The following GRIN2A variants were observed in gnomAD, a reference collection of about 807,000 sequenced individuals.
The protein encoded by GRIN2A is glutamate receptor ionotropic, NMDA 2A.
A neutral mutation model predicts 113.4 loss-of-function variants in GRIN2A; 22 were observed. The ratio of observed to expected loss-of-function variants is 0.19; its 90% CI spans 0.14 to 0.28. GRIN2A has a LOEUF of 0.28. GRIN2A is among the 10% of genes least tolerant of loss of function. GRIN2A has a pLI of 1.00. For synonymous variants in GRIN2A, 827 were observed against 738.4 expected (o/e 1.12, Z -1.94); for missense variants, 1,502 against 1,887.0 (o/e 0.80, Z 3.78).
intron 10 of GRIN2A, among the ~76,000 whole-genome samples, chr16:9,803,162 T>C (rs2041898611): frequency 6.6e-6 from 1 of 152,118 alleles, no homozygotes; most frequent in African/African-American, 2.4e-5. Context: ...CCCAGCACTT[T>C]GGGAGGCCGA....
chr16:10,167,822 G>C (rs758937891), intron 2 of GRIN2A, among the ~76,000 whole-genome samples: 9 of 152,160 alleles, frequency 5.9e-5, no homozygotes, highest in Non-Finnish European at 1.3e-4. Flanking sequence ...GCAATTTCAG[G>C]TTCGTTTTTC....
At chr16:9,807,099 A>G (rs1364354186) in intron 10 of GRIN2A, among the ~76,000 whole-genome samples, 1 of 151,020 alleles carries the variant, frequency 6.6e-6, no homozygotes, top group Non-Finnish European at 1.5e-5. Context: ...CTCCCCAGCC[A>G]CATGGAACTT....
intron 4 of GRIN2A, among the ~76,000 whole-genome samples, chr16:9,889,231 G>A (rs761515773): frequency 2.0e-5 from 3 of 152,044 alleles, no homozygotes; most frequent in East Asian, 1.9e-4. Context: ...TATCTATATC[G>A]TTGAATTTGT....
Position 10,001,908 on chromosome 16 carries a change from T to C in GRIN2A, c.415-63357A>G, listed in dbSNP as rs555282619. On this transcript the variant is annotated intron_variant, in intron 2 of 12. Transcript: ENST00000330684. ...ACTTCTCTTAGTTTCAGTTTACTCA[T>C]TGATAAACCAGGATAACACCTACCT... 1.6e-4 allele frequency among the ~76,000 whole-genome samples: 24 copies of C among 152,350 alleles called. No homozygotes were observed. In the South Asian group the frequency reaches 3.3e-3, roughly 21 times the overall value.
intron 2 of GRIN2A, among the ~76,000 whole-genome samples, chr16:10,045,293 T>G (rs1490343822): frequency 1.3e-5 from 2 of 152,214 alleles, no homozygotes; most frequent in African/African-American, 2.4e-5. Flanking sequence ...CAGGAAAGTA[T>G]TATTTTCTTT....
chr16:9,816,217 A>T (rs1299722113), intron 10 of GRIN2A, among the ~76,000 whole-genome samples: 4 of 152,202 alleles, frequency 2.6e-5, no homozygotes, highest in African/African-American at 9.7e-5. Flanking sequence ...GAATGCATTT[A>T]ATACCACTGA....
At chr16:10,079,359 C>G (rs2047936880) in intron 2 of GRIN2A, among the ~76,000 whole-genome samples, 1 of 152,120 alleles carries the variant, frequency 6.6e-6, no homozygotes, top group Non-Finnish European at 1.5e-5. Flanking sequence ...AAGGGGAGAC[C>G]TGAAGAATGA....
intron 2 of GRIN2A, among the ~76,000 whole-genome samples, chr16:10,138,355 G>A (rs68013133): frequency 0.17 from 25,161 of 152,146 alleles, 2,563 homozygotes; most frequent in East Asian, 0.45. Context: ...TTGACTCACC[G>A]CTTGGCATGG....
chr16:9,973,422 C>G (rs2045713248), intron 2 of GRIN2A, among the ~76,000 whole-genome samples: 1 of 152,172 alleles, frequency 6.6e-6, no homozygotes, highest in South Asian at 2.1e-4. Context: ...AGTCAGATCT[C>G]TTTCACTGCC....
intron 2 of GRIN2A, among the ~76,000 whole-genome samples, chr16:10,133,286 G>T (rs561526431): frequency 2.6e-5 from 4 of 152,170 alleles, no homozygotes; most frequent in African/African-American, 9.7e-5. Flanking sequence ...ACTAACTCAC[G>T]ATAGTGTCAA....
intron 2 of GRIN2A, among the ~76,000 whole-genome samples, chr16:9,974,432 G>T (rs772431792): frequency 6.6e-6 from 1 of 152,150 alleles, no homozygotes; most frequent in Non-Finnish European, 1.5e-5. Flanking sequence ...GATTACCGGT[G>T]CATGCAGCCC....
intron 2 of GRIN2A, among the ~76,000 whole-genome samples, chr16:9,967,321 C>T (rs1055917549): frequency 6.6e-6 from 1 of 152,282 alleles, no homozygotes; most frequent in East Asian, 1.9e-4. Context: ...AGCCATTATT[C>T]GAAGCGAAGT....
chr16:10,046,961 T>G (rs2047270391), intron 2 of GRIN2A, among the ~76,000 whole-genome samples: 1 of 152,176 alleles, frequency 6.6e-6, no homozygotes. Flanking sequence ...GTTAATTCTG[T>G]GTGGAAGGAA....
intron 2 of GRIN2A, among the ~76,000 whole-genome samples, chr16:10,025,837 T>C (rs968222231): frequency 6.6e-6 from 1 of 152,154 alleles, no homozygotes; most frequent in Non-Finnish European, 1.5e-5. Context: ...GAAATCTTAC[T>C]GCAAACCCTG....
intron 2 of GRIN2A, among the ~76,000 whole-genome samples, chr16:10,098,310 T>A (rs909308870): frequency 6.6e-6 from 1 of 152,108 alleles, no homozygotes; most frequent in Non-Finnish European, 1.5e-5. Flanking sequence ...AAAATAGACA[T>A]TGGCATGGAT....
chr16:9,974,091 T>C (rs896743799), intron 2 of GRIN2A, among the ~76,000 whole-genome samples: 8 of 152,156 alleles, frequency 5.3e-5, no homozygotes, highest in Non-Finnish European at 1.2e-4. Context: ...TTACATTGCC[T>C]CTTAGGGTAT....
Position 9,861,441 on chromosome 16 carries a change from C to T in GRIN2A, c.1123-11480G>A, listed in dbSNP as rs72781990. ...ATGGATTAGCATCACTTCCATGCCGCTGAATGCACATCTGACACACAAACA... is the reference window on the plus strand; with the variant it reads ...ATGGATTAGCATCACTTCCATGCCGTTGAATGCACATCTGACACACAAACA... On this transcript the variant is annotated intron_variant, in intron 4 of 12. Transcript: ENST00000330684. Among the ~76,000 whole-genome samples, 1,246 of 151,752 alleles carry T rather than the reference C, an allele frequency of 8.2e-3. 8 individuals are homozygous for T. Among genetic ancestry groups the T allele is most frequent in the Non-Finnish European group, 0.011 (728 of 68,016 alleles).
intron 2 of GRIN2A, among the ~76,000 whole-genome samples, chr16:10,101,267 G>A (rs56987497): frequency 0.097 from 14,822 of 152,166 alleles, 751 homozygotes; most frequent in Middle Eastern, 0.11. Context: ...AGGTACTTAT[G>A]CCCTCTCAAT....
intron 2 of GRIN2A, among the ~76,000 whole-genome samples, chr16:10,170,665 CA>C (rs916152149): frequency 5.9e-5 from 9 of 152,022 alleles, no homozygotes; most frequent in African/African-American, 1.5e-4. Flanking sequence ...TGCTTGAGTC[CA>C]GGAGTTCAAG....
Sources: gnomAD v4.1 joint callset for allele counts (sites outside exome capture counted in the v4.1 genomes callset) on GRCh38, gnomAD v4.1.1 for gene constraint, MANE v1.5 for transcripts, NCBI Gene and HGNC (gene_info 2026-07-23, HGNC 2026-07-21) for gene names.